The following RYR2 variants were observed in gnomAD, a reference collection of about 807,000 sequenced individuals.
The protein encoded by RYR2 is cardiac muscle ryanodine receptor-calcium release channel.
A neutral mutation model predicts 601.1 loss-of-function variants in RYR2; 227 were observed. The ratio of observed to expected loss-of-function variants is 0.38; its 90% CI spans 0.34 to 0.42. The LOEUF (loss-of-function observed/expected upper bound fraction) is 0.42, where lower values mean the gene tolerates loss of function less well. RYR2 is among the 10% of genes least tolerant of loss of function. The pLI, the probability that RYR2 is intolerant of heterozygous loss-of-function variation, is 1.00. For missense variants in RYR2, 4,646 were observed against 6,156.5 expected, an observed-to-expected ratio of 0.75 and a Z score of 8.21; for synonymous variants, 2,223 against 2,175.1, an observed-to-expected ratio of 1.02 and a Z score of -0.61.
intron 14 of RYR2, among the ~76,000 whole-genome samples, chr1:237,449,354 A>C (rs1439579112): frequency 6.6e-6 from 1 of 152,120 alleles, no homozygotes; most frequent in Admixed American, 6.6e-5. Context: ...GCCACAGTCT[A>C]CCTTTAATTG....
At position 237,180,235 on chromosome 1, in the gene RYR2, CAG is replaced by C. The variant is rs2148947510; in HGVS notation, c.49-90261_49-90260del. On this transcript the variant is annotated intron_variant, in intron 1 of 104. Coordinates refer to ENST00000366574, the MANE Select transcript of RYR2 (RefSeq NM_001035.3). The surrounding 1 kb of genome is among the most constrained non-coding windows in gnomAD (Gnocchi z 5.3). ...CTCCTGGGGCTGGCTAGAGGACAGA[CAG>C]GGGTGAGCACAGCTCAGGTGAGGAA... 6.6e-6 allele frequency among the ~76,000 whole-genome samples: 1 copy of C among 151,082 alleles called. No individual in the cohort carries two copies. Among genetic ancestry groups the C allele is most frequent in the African/African-American group, 2.5e-5 (1 of 40,454 alleles).
intron 50 of RYR2, among the ~76,000 whole-genome samples, 182 bp downstream of exon 50, chr1:237,650,279 C>T (rs1241701584): frequency 1.3e-5 from 2 of 152,138 alleles, no homozygotes; most frequent in Non-Finnish European, 2.9e-5. Context: ...CAGTCAAGTT[C>T]CAGAGTGTTC....
At position 237,173,372 on chromosome 1, in the gene RYR2, T is replaced by A. The variant is rs140574311; in HGVS notation, c.49-97125T>A. On this transcript the variant is annotated intron_variant, in intron 1 of 104. Transcript: ENST00000366574. Reference sequence around the variant, plus strand: ...CAAATTACTTAATCTCTCCAAACCTTTATTTCCTCCTTTGTAAACTGAGGA... The same window carrying A: ...CAAATTACTTAATCTCTCCAAACCTATATTTCCTCCTTTGTAAACTGAGGA... Among the ~76,000 whole-genome samples, 3 of 152,330 alleles carry A rather than the reference T, an allele frequency of 2.0e-5. No individual in the cohort carries two copies. The East Asian group carries it at 5.8e-4, about 29-fold the overall frequency.
intron 10 of RYR2, among the ~76,000 whole-genome samples, chr1:237,395,057 G>A (rs1206629160): frequency 1.3e-5 from 2 of 152,160 alleles, no homozygotes; most frequent in Non-Finnish European, 2.9e-5. Context: ...CCATGATCCA[G>A]TCACCTCCTA....
At chr1:237,481,798 T>C (rs755535657) in intron 17 of RYR2, among the ~76,000 whole-genome samples, 4 of 135,666 alleles carry the variant, frequency 2.9e-5, no homozygotes, top group Non-Finnish European at 6.1e-5. Context: ...AGCCTCACCA[T>C]TGCTGTGTAG....
intron 24 of RYR2, among the ~76,000 whole-genome samples, chr1:237,522,601 G>T (rs986133757): frequency 7.2e-5 from 11 of 152,096 alleles, no homozygotes; most frequent in Non-Finnish European, 1.5e-4. Context: ...ATGACAGCAG[G>T]CATCTCACTT....
intron 1 of RYR2, among the ~76,000 whole-genome samples, chr1:237,226,728 G>A (rs1031756564): frequency 6.6e-6 from 1 of 152,094 alleles, no homozygotes; most frequent in Non-Finnish European, 1.5e-5. Context: ...TGTCATTTTA[G>A]AATGGAGTAG....
At position 237,767,406 on chromosome 1, in the gene RYR2, C is replaced by T. The variant is rs186562584; in HGVS notation, c.11477-3401C>T. Among the ~76,000 whole-genome samples, 4 of 152,170 alleles carry T rather than the reference C, an allele frequency of 2.6e-5. No individual in the cohort carries two copies. The East Asian group carries it at 5.8e-4, about 22-fold the overall frequency. On this transcript the variant is annotated intron_variant, in intron 84 of 104. Transcript: ENST00000366574. ...ATTAGACTGTGAACTTCTTCAGGTTCGAGATTATGTTCACCTCACAAGGTG... is the reference window on the plus strand; with the variant it reads ...ATTAGACTGTGAACTTCTTCAGGTTTGAGATTATGTTCACCTCACAAGGTG...
chr1:237,208,028 G>C (rs1682006964), intron 1 of RYR2, among the ~76,000 whole-genome samples: 1 of 152,178 alleles, frequency 6.6e-6, no homozygotes, highest in East Asian at 1.9e-4. Context: ...TTCACCCACT[G>C]TACCTCCCAG....
At chr1:237,268,418 A>G (rs373641945) in intron 1 of RYR2, among the ~76,000 whole-genome samples, 14 of 152,288 alleles carry the variant, frequency 9.2e-5, no homozygotes, top group African/African-American at 3.1e-4. Flanking sequence ...GATTGTTTTT[A>G]TTATAGCCAC....
At chr1:237,724,184 C>CATATATATATATATATATATATATAT (rs35705894) in intron 74 of RYR2, among the ~76,000 whole-genome samples, 4 of 136,996 alleles carry the variant, frequency 2.9e-5, no homozygotes, top group Non-Finnish European at 4.6e-5. Context: ...TGTGTGTGTG[C>CATATATATATATATATATATATATAT]ATATATATAT....
At chr1:237,780,575 C>T (rs889275984) in intron 88 of RYR2, among the ~76,000 whole-genome samples, 17 of 152,140 alleles carry the variant, frequency 1.1e-4, no homozygotes, top group African/African-American at 3.1e-4. Context: ...AAGTATGATC[C>T]GTATTTCCAG....
At chr1:237,273,484 G>C (rs1021683655) in intron 2 of RYR2, among the ~76,000 whole-genome samples, 1 of 152,162 alleles carries the variant, frequency 6.6e-6, no homozygotes, top group African/African-American at 2.4e-5. Context: ...ACAGACTGTG[G>C]CACGAGGAAT....
chr1:237,599,063 C>T (rs1676208515), intron 34 of RYR2, among the ~76,000 whole-genome samples: 1 of 152,104 alleles, frequency 6.6e-6, no homozygotes, highest in African/African-American at 2.4e-5. Flanking sequence ...ATGTATACAA[C>T]CTACCAAGAC....
rs370333448 is a variant in RYR2 at position 237,655,851 on chromosome 1, C to G, written c.7996C>G (p.Leu2666Val). The G allele has an allele frequency of 1.2e-6, 2 of 1,605,184 alleles. No individual in the cohort carries two copies. The highest frequency in any genetic ancestry group is 1.7e-6 in the Non-Finnish European group (2 of 1,175,918). The change falls in exon 53 of 105, where the codon CTG becomes GTG. Residue 2666 changes from leucine (L) to valine (V), a missense_variant. By Grantham distance (32) the Leu-to-Val change is conservative. Around this residue, in one of 17 missense-constraint regions of RYR2, gnomAD observed 1,497 missense variants for 1,842.6 expected, o/e 0.81. Transcript: ENST00000366574. The part of the protein sequence containing the change: ...KYEQELFKLA[L>V]PCLSAVAGAL... ...TGAACAAGAACTTTTCAAACTGGCA[C>G]TGCCTTGCCTGAGTGCAGTTGCGGG...
chr1:237,521,340 G>T (rs1667066250), intron 24 of RYR2, among the ~76,000 whole-genome samples: 1 of 152,128 alleles, frequency 6.6e-6, no homozygotes, highest in African/African-American at 2.4e-5. Context: ...AGCACCTCTA[G>T]CTATTCTGTA....
Position 237,628,124 on chromosome 1 carries a change from T to C in RYR2, c.6440+44T>C, listed in dbSNP as rs190203184. 3.5e-3 allele frequency: 5,531 copies of C among 1,596,720 alleles called. 15 individuals carry two copies. The highest frequency in any genetic ancestry group is 4.3e-3 in the Non-Finnish European group (5,043 of 1,168,576). On this transcript the variant is annotated intron_variant, in intron 41 of 104. Transcript: ENST00000366574. ...ACAACCCTTTGTCTCGTAAATGTTT[T>C]CTAATTGTTATACCTATAGAGCAGT...
At chr1:237,116,917 A>C (rs1670147821) in intron 1 of RYR2, among the ~76,000 whole-genome samples, 1 of 152,176 alleles carries the variant, frequency 6.6e-6, no homozygotes, top group African/African-American at 2.4e-5. Flanking sequence ...TCACATGCTA[A>C]TCTAATCTGG....
intron 74 of RYR2, among the ~76,000 whole-genome samples, chr1:237,724,262 A>G (rs1482295592): frequency 2.0e-5 from 3 of 149,628 alleles, no homozygotes; most frequent in Non-Finnish European, 4.4e-5. Context: ...AATTATATAT[A>G]TATAATTTTG....
Sources: allele counts gnomAD v4.1 joint callset (sites outside exome capture counted in the v4.1 genomes callset), GRCh38; gene constraint gnomAD v4.1.1; regional missense constraint gnomAD v4.1.1; non-coding constraint Gnocchi (gnomAD v3.1); transcripts MANE v1.5; gene names NCBI Gene and HGNC (gene_info 2026-07-23, HGNC 2026-07-21).